Variants in SCHIP1 observed in about 807,000 individuals in gnomAD.
SCHIP1 encodes the protein schwannomin-interacting protein 1.
Under a neutral mutation model 29.7 loss-of-function variants are expected in SCHIP1, and 8 were observed. The observed-to-expected ratio is 0.27, with a 90% confidence interval of 0.16 to 0.49. SCHIP1 has a LOEUF of 0.49. SCHIP1 is among the 20% of genes least tolerant of loss of function. SCHIP1 has a pLI of 0.99. For synonymous variants in SCHIP1, 76 were observed against 94.9 expected, an observed-to-expected ratio of 0.80 and a Z score of 1.16; for missense variants, 193 against 294.6, an observed-to-expected ratio of 0.66 and a Z score of 2.52.
the SCHIP1 span, among the ~76,000 whole-genome samples, chr3:159,557,965 GGC>G: frequency 6.6e-6 from 1 of 152,232 alleles, no homozygotes; most frequent in Non-Finnish European, 1.5e-5. Context: ...AAGATACGAA[GGC>G]TGTTATGAAG....
chr3:159,326,718 A>G, the SCHIP1 span, among the ~76,000 whole-genome samples: 1 of 152,260 alleles, frequency 6.6e-6, no homozygotes, highest in East Asian at 1.9e-4. Context: ...TCATTTTGTG[A>G]GTGAAGGAGC....
At chr3:159,822,971 C>T in the SCHIP1 span, among the ~76,000 whole-genome samples, 1 of 151,942 alleles carries the variant, frequency 6.6e-6, no homozygotes, top group Non-Finnish European at 1.5e-5. Context: ...AAGGCAGTGC[C>T]TTCAGGCTCT....
At chr3:159,790,792 A>C in the SCHIP1 span, among the ~76,000 whole-genome samples, 2 of 152,222 alleles carry the variant, frequency 1.3e-5, no homozygotes, top group African/African-American at 4.8e-5. Flanking sequence ...ATGTCCACTT[A>C]GAAGCATTTT....
chr3:159,415,178 A>T, the SCHIP1 span, among the ~76,000 whole-genome samples: 2 of 151,482 alleles, frequency 1.3e-5, no homozygotes, highest in South Asian at 4.2e-4. Flanking sequence ...AAGCTAAATT[A>T]TATATGTACT....
At chr3:159,452,522 T>A in the SCHIP1 span, among the ~76,000 whole-genome samples, 23 of 152,234 alleles carry the variant, frequency 1.5e-4, no homozygotes, top group Non-Finnish European at 3.1e-4. Flanking sequence ...GGTGTATATG[T>A]GCCATATTTT....
the SCHIP1 span, among the ~76,000 whole-genome samples, chr3:159,603,599 G>C: frequency 1.3e-5 from 2 of 152,258 alleles, no homozygotes; most frequent in South Asian, 4.1e-4. Flanking sequence ...AACTGGGGAG[G>C]AAGACTAAAT....
the SCHIP1 span, among the ~76,000 whole-genome samples, chr3:159,350,974 T>A: frequency 6.6e-6 from 1 of 152,092 alleles, no homozygotes; most frequent in Non-Finnish European, 1.5e-5. Flanking sequence ...TCAATAGAGA[T>A]TAAGAGGAAT....
the SCHIP1 span, among the ~76,000 whole-genome samples, chr3:159,609,216 C>T: frequency 4.6e-5 from 7 of 152,040 alleles, 1 homozygote; most frequent in East Asian, 1.4e-3. Context: ...CTATTCTAGT[C>T]GATCCTTTAG....
the SCHIP1 span, among the ~76,000 whole-genome samples, chr3:159,657,188 GAATT>G: frequency 6.6e-5 from 10 of 152,254 alleles, no homozygotes; most frequent in Admixed American, 3.3e-4. Context: ...AAATCATCAA[GAATT>G]AATGTAAGTG....
chr3:159,579,503 T>C, the SCHIP1 span, among the ~76,000 whole-genome samples: 10 of 152,340 alleles, frequency 6.6e-5, no homozygotes, highest in African/African-American at 2.2e-4. Flanking sequence ...GAAATGTTTC[T>C]GGACTCTAGC....
chr3:159,823,527 C>T, the SCHIP1 span, among the ~76,000 whole-genome samples: 1 of 152,230 alleles, frequency 6.6e-6, no homozygotes, highest in Admixed American at 6.5e-5. Flanking sequence ...AATGTCAGGG[C>T]CAGCGTGGGT....
At chr3:159,636,488 A>G in the SCHIP1 span, among the ~76,000 whole-genome samples, 3 of 152,334 alleles carry the variant, frequency 2.0e-5, no homozygotes, top group Admixed American at 6.5e-5. Flanking sequence ...AAGAAATTAG[A>G]CTTTTTTAAA....
chr3:159,290,457 C>G, the SCHIP1 span, among the ~76,000 whole-genome samples: 1 of 152,044 alleles, frequency 6.6e-6, no homozygotes, highest in Non-Finnish European at 1.5e-5. Context: ...AATAAAACCT[C>G]TTTGAATATA....
chr3:159,396,184 T>TC, the SCHIP1 span, among the ~76,000 whole-genome samples: 1 of 149,970 alleles, frequency 6.7e-6, no homozygotes, highest in African/African-American at 2.5e-5. Context: ...TAGATCTTCC[T>TC]CCATCCTTTT....
At chr3:159,468,739 T>TATATA in the SCHIP1 span, among the ~76,000 whole-genome samples, 1 of 132,574 alleles carries the variant, frequency 7.5e-6, no homozygotes, top group African/African-American at 2.7e-5. Flanking sequence ...TATAATATAA[T>TATATA]ATATAATATA....
At chr3:159,512,229 G>T in the SCHIP1 span, among the ~76,000 whole-genome samples, 1 of 152,166 alleles carries the variant, frequency 6.6e-6, no homozygotes, top group Non-Finnish European at 1.5e-5. Context: ...ATTCTAAATA[G>T]AAAATAAGCA....
At chr3:159,619,671 T>C in the SCHIP1 span, among the ~76,000 whole-genome samples, 2 of 152,380 alleles carry the variant, frequency 1.3e-5, no homozygotes, top group African/African-American at 4.8e-5. Flanking sequence ...AACAAATTTC[T>C]GTAGCTGGGG....
At chr3:159,548,784 A>G in the SCHIP1 span, among the ~76,000 whole-genome samples, 1 of 152,100 alleles carries the variant, frequency 6.6e-6, no homozygotes, top group Non-Finnish European at 1.5e-5. Context: ...CTCTTTAGTC[A>G]TTATGAATAT....
chr3:159,354,014 TGA>T, the SCHIP1 span, among the ~76,000 whole-genome samples: 1 of 152,190 alleles, frequency 6.6e-6, no homozygotes, highest in Non-Finnish European at 1.5e-5. Context: ...CATTTCCTAG[TGA>T]AGTGCAAATT....
Sources: allele counts gnomAD v4.1 joint callset (sites outside exome capture counted in the v4.1 genomes callset), GRCh38; gene constraint gnomAD v4.1.1; transcripts MANE v1.5; gene names NCBI Gene and HGNC (gene_info 2026-07-23, HGNC 2026-07-21).